Variants in ANO3 observed in about 807,000 individuals in gnomAD.
ANO3 encodes anoctamin 3, also known as anoctamin-3.
ANO3 carries 99 observed loss-of-function variants against 144.8 expected under a neutral mutation model. The ratio of observed to expected loss-of-function variants is 0.68; its 90% CI spans 0.58 to 0.81. The LOEUF (loss-of-function observed/expected upper bound fraction) is 0.81. Ranked by LOEUF, ANO3 falls within the 30% of genes least tolerant of loss-of-function variation. The pLI, the probability that ANO3 is intolerant of heterozygous loss-of-function variation, is 0.00. For synonymous variants in ANO3, 414 were observed against 392.6 expected (o/e 1.05, Z -0.64); for missense variants, 905 against 1,202.2 (o/e 0.75, Z 3.66).
upstream of ANO3, among the ~76,000 whole-genome samples, chr11:26,330,277 TA>T (rs201778109): frequency 4.6e-5 from 7 of 151,828 alleles, no homozygotes; most frequent in East Asian, 3.9e-4. Flanking sequence ...GAACAAAATT[TA>T]AAAAAAACAT....
Position 26,352,964 on chromosome 11 carries a change from CAAGA to C in ANO3, c.46+20646_46+20649del, listed in dbSNP as rs1281146775. Among the ~76,000 whole-genome samples, 6 of 152,210 alleles carry C rather than the reference CAAGA, an allele frequency of 3.9e-5. No homozygotes were observed. In the East Asian group the frequency reaches 1.2e-3, roughly 29 times the overall value. On this transcript the variant is annotated intron_variant, in intron 1 of 26. Transcript: ENST00000256737. ...ACTCGACCCCCTCTTGACACCATCA[CAAGA>C]AATAACTCAAAAATGAGTCATAAAA...
intron 4 of ANO3, among the ~76,000 whole-genome samples, chr11:26,481,564 T>TA (rs1646844967): frequency 1.3e-5 from 2 of 152,232 alleles, no homozygotes; most frequent in African/African-American, 2.4e-5. Flanking sequence ...ATAAAGGTAG[T>TA]TTCTCCTTGC....
intron 1 of ANO3, among the ~76,000 whole-genome samples, chr11:26,438,447 A>G: frequency 6.6e-6 from 1 of 151,920 alleles, no homozygotes; most frequent in East Asian, 1.9e-4. Flanking sequence ...TGGAATCCCT[A>G]TCATAATCAC....
intron 1 of ANO3, among the ~76,000 whole-genome samples, chr11:26,267,278 T>G (rs1853337031): frequency 6.6e-6 from 1 of 152,028 alleles, no homozygotes. Flanking sequence ...CACTATTAAG[T>G]GTTCTCTTTG....
intron 1 of ANO3, among the ~76,000 whole-genome samples, chr11:26,370,337 T>C (rs975558585): frequency 4.6e-5 from 7 of 152,156 alleles, no homozygotes; most frequent in African/African-American, 1.2e-4. Context: ...TCCACAATGA[T>C]TATAAGCTTC....
chr11:26,376,099 G>A (rs774120913), intron 1 of ANO3, among the ~76,000 whole-genome samples: 11 of 152,050 alleles, frequency 7.2e-5, no homozygotes, highest in African/African-American at 1.7e-4. Context: ...TTTAAGATAC[G>A]TTCAATTCAC....
intron 4 of ANO3, among the ~76,000 whole-genome samples, chr11:26,478,060 C>T (rs942024807): frequency 6.6e-6 from 1 of 152,054 alleles, no homozygotes; most frequent in African/African-American, 2.4e-5. Context: ...CAATCTGCAC[C>T]ACTAATTCTC....
At chr11:26,447,462 G>T (rs1858745411) in intron 3 of ANO3, among the ~76,000 whole-genome samples, 1 of 152,078 alleles carries the variant, frequency 6.6e-6, no homozygotes, top group African/African-American at 2.4e-5. Context: ...ACCAAGGAAG[G>T]CTTGATCTCT....
chr11:26,332,156 G>GT lies in ANO3; in HGVS notation c.-119dup, dbSNP rs1855064332. 2 of 1,582,418 alleles carry GT rather than the reference G, an allele frequency of 1.3e-6. No individual in the cohort carries two copies. The highest frequency in any genetic ancestry group is 4.5e-5 in the East Asian group (2 of 44,320). On this transcript the variant is annotated 5_prime_UTR_variant, in exon 1 of 27. Transcript: ENST00000256737. ...GAGAGCGAAGTGCCGGCTACAGCAG[G>GT]TGTCGGATTGCAGTGCGCTCGCTGA...
At chr11:26,620,646 G>T (rs1241810861) in intron 17 of ANO3, among the ~76,000 whole-genome samples, 1 of 152,144 alleles carries the variant, frequency 6.6e-6, no homozygotes, top group Non-Finnish European at 1.5e-5. Context: ...TTTGGCTAAT[G>T]TAAGTACTCC....
intron 4 of ANO3, among the ~76,000 whole-genome samples, chr11:26,479,702 A>C (rs919604088): frequency 6.6e-6 from 1 of 152,176 alleles, no homozygotes; most frequent in Non-Finnish European, 1.5e-5. Flanking sequence ...CAGCCAAACC[A>C]TATCAGTGTC....
At chr11:26,271,440 T>C (rs1161834008) in intron 1 of ANO3, among the ~76,000 whole-genome samples, 1 of 152,230 alleles carries the variant, frequency 6.6e-6, no homozygotes, top group Non-Finnish European at 1.5e-5. Context: ...CAAAAAGATA[T>C]TATTAAATAT....
At chr11:26,300,091 A>G (rs1216120570) in intron 1 of ANO3, among the ~76,000 whole-genome samples, 3 of 152,148 alleles carry the variant, frequency 2.0e-5, no homozygotes, top group African/African-American at 7.2e-5. Flanking sequence ...TGGGGTTATT[A>G]TCAGGAATTT....
chr11:26,192,540 C>T (rs1040932429), intron 1 of ANO3, among the ~76,000 whole-genome samples: 9 of 152,056 alleles, frequency 5.9e-5, no homozygotes, highest in Non-Finnish European at 1.2e-4. Context: ...GTGTTTATAC[C>T]TTTCATTTAC....
chr11:26,362,941 A>G (rs746999628), intron 1 of ANO3, among the ~76,000 whole-genome samples: 11 of 152,184 alleles, frequency 7.2e-5, no homozygotes, highest in Admixed American at 3.3e-4. Context: ...TTATAGGTCA[A>G]TTGGTGAAAT....
chr11:26,559,825 G>A lies in ANO3; in HGVS notation c.1447+46G>A, dbSNP rs1173121605. The stretch of plus-strand genomic sequence containing the variant: ...TTTCTATCCCTTATTTTCTGAAGCT[G>A]TTTCTGTGTTACACACACACACACA... On this transcript the variant is annotated intron_variant, in intron 14 of 26. Coordinates refer to ENST00000256737, the MANE Select transcript of ANO3 (RefSeq NM_031418.4). 3.4e-6 allele frequency: 4 copies of A among 1,174,656 alleles called. No homozygotes were observed. In the African/African-American group the frequency reaches 6.6e-5, roughly 19 times the overall value. 72.8% of individuals were successfully genotyped at this position (1,174,656 alleles called of 1,614,324 possible).
chr11:26,487,504 T>C (rs1344229809), intron 4 of ANO3, among the ~76,000 whole-genome samples: 1 of 151,808 alleles, frequency 6.6e-6, no homozygotes, highest in Non-Finnish European at 1.5e-5. Context: ...TATCCGAAAA[T>C]GTGGAAGTGA....
intron 1 of ANO3, among the ~76,000 whole-genome samples, chr11:26,374,666 T>G (rs1856356429): frequency 6.6e-6 from 1 of 152,242 alleles, no homozygotes; most frequent in Non-Finnish European, 1.5e-5. Flanking sequence ...CCAGCCTTGT[T>G]GACAATTTTT....
intron 24 of ANO3, among the ~76,000 whole-genome samples, chr11:26,649,068 A>C (rs1197988274): frequency 3.9e-5 from 6 of 152,166 alleles, no homozygotes; most frequent in Non-Finnish European, 1.5e-5. Flanking sequence ...TTTAGGTTCG[A>C]GTTGTAACTT....
Sources: allele counts gnomAD v4.1 joint callset (sites outside exome capture counted in the v4.1 genomes callset), GRCh38; gene constraint gnomAD v4.1.1; transcripts MANE v1.5; gene names NCBI Gene and HGNC (gene_info 2026-07-23, HGNC 2026-07-21).